Variants in COL25A1 observed in about 807,000 individuals in gnomAD.
COL25A1 encodes the protein collagen type XXV alpha 1 chain.
In COL25A1, 103 loss-of-function variants were observed where a neutral mutation model predicts 128.4. That is an observed-to-expected ratio of 0.80 (90% CI 0.68 to 0.94). The LOEUF is 0.94. COL25A1 is among the 40% of genes least tolerant of loss of function. The probability of loss-of-function intolerance (pLI) is 0.00; values close to 1 mark genes in which losing one functional copy is unlikely to be tolerated. For missense variants in COL25A1, 745 were observed against 840.0 expected, an observed-to-expected ratio of 0.89 and a Z score of 1.40; for synonymous variants, 279 against 277.2, an observed-to-expected ratio of 1.01 and a Z score of -0.06.
chr4:109,087,012 T>A (rs1173662170), intron 3 of COL25A1, among the ~76,000 whole-genome samples: 1 of 152,204 alleles, frequency 6.6e-6, no homozygotes, highest in African/African-American at 2.4e-5. Context: ...GGACACTTGC[T>A]GTCACCTAGT....
intron 3 of COL25A1, among the ~76,000 whole-genome samples, chr4:109,078,981 GA>G (rs903078224): frequency 2.0e-5 from 3 of 151,864 alleles, no homozygotes; most frequent in African/African-American, 7.3e-5. Flanking sequence ...AAAAGGCAAG[GA>G]AAAAAAATCC....
At chr4:109,287,261 T>G (rs1723977891) in intron 3 of COL25A1, among the ~76,000 whole-genome samples, 1 of 152,330 alleles carries the variant, frequency 6.6e-6, no homozygotes, top group African/African-American at 2.4e-5. Context: ...CCATTAGTTC[T>G]TCATCTAATG....
Position 109,048,180 on chromosome 4 carries a change from G to A in COL25A1, c.413-5C>T, listed in dbSNP as rs773186814. 2.5e-6 allele frequency: 4 copies of A among 1,611,836 alleles called. No homozygotes were observed. The highest frequency in any genetic ancestry group is 2.5e-6 in the Non-Finnish European group (3 of 1,178,168). ...CAAACATACTTACAGGAGGACCTAT[G>A]GGGGGAGCAGGTGGAGAGAGAAGAG... On this transcript the variant is annotated splice_polypyrimidine_tract_variant and splice_region_variant and intron_variant, in intron 4 of 37. Coordinates refer to ENST00000399132, the MANE Select transcript of COL25A1 (RefSeq NM_198721.4).
At chr4:109,060,782 G>A (rs538067583) in intron 3 of COL25A1, among the ~76,000 whole-genome samples, 63 of 151,682 alleles carry the variant, frequency 4.2e-4, no homozygotes, top group East Asian at 1.5e-3. Flanking sequence ...TCATTCGCCC[G>A]AGCTTAAAAT....
intron 15 of COL25A1, among the ~76,000 whole-genome samples, chr4:108,897,606 C>T (rs1004915964): frequency 1.3e-5 from 2 of 152,256 alleles, no homozygotes; most frequent in Non-Finnish European, 2.9e-5. Flanking sequence ...ATAAGTACTA[C>T]ACTGTGTGTA....
At chr4:109,204,661 A>T (rs1160796477) in intron 3 of COL25A1, among the ~76,000 whole-genome samples, 1 of 152,198 alleles carries the variant, frequency 6.6e-6, no homozygotes, top group East Asian at 1.9e-4. Context: ...ACACAGCATG[A>T]CTACTTTGTT....
At chr4:109,108,952 T>C (rs905802048) in intron 3 of COL25A1, among the ~76,000 whole-genome samples, 1 of 152,200 alleles carries the variant, frequency 6.6e-6, no homozygotes, top group African/African-American at 2.4e-5. Flanking sequence ...TGTGGTGGTC[T>C]GTAACTGAGC....
intron 6 of COL25A1, among the ~76,000 whole-genome samples, chr4:109,007,021 T>A (rs1756083329): frequency 6.6e-6 from 1 of 152,216 alleles, no homozygotes; most frequent in South Asian, 2.1e-4. Context: ...TTTACCTGTG[T>A]AACAAACCTG....
intron 13 of COL25A1, among the ~76,000 whole-genome samples, chr4:108,904,078 A>C (rs1474381102): frequency 1.3e-5 from 2 of 152,068 alleles, no homozygotes; most frequent in Non-Finnish European, 2.9e-5. Flanking sequence ...TACTGTCCAC[A>C]CTTAGTTTCC....
chr4:109,135,704 C>T (rs181618249), intron 3 of COL25A1, among the ~76,000 whole-genome samples: 150 of 152,164 alleles, frequency 9.9e-4, no homozygotes, highest in African/African-American at 3.2e-3. Context: ...CCACACACAT[C>T]TACTTATTAA....
At chr4:109,296,487 T>C (rs1725003426) in intron 3 of COL25A1, among the ~76,000 whole-genome samples, 1 of 152,070 alleles carries the variant, frequency 6.6e-6, no homozygotes, top group African/African-American at 2.4e-5. Flanking sequence ...TGAGGGAAGA[T>C]ACCAAGTCTG....
intron 15 of COL25A1, among the ~76,000 whole-genome samples, chr4:108,898,244 C>T (rs908284566): frequency 8.5e-5 from 13 of 152,104 alleles, no homozygotes; most frequent in African/African-American, 1.2e-4. Context: ...TTTCCACCCA[C>T]GTATTTTGCT....
chr4:109,068,054 C>A (rs1420690105), intron 3 of COL25A1, among the ~76,000 whole-genome samples: 1 of 152,152 alleles, frequency 6.6e-6, no homozygotes, highest in Non-Finnish European at 1.5e-5. Context: ...GGGTGCGTGC[C>A]ATTGCTTTCG....
chr4:109,067,637 C>T (rs780934126), intron 3 of COL25A1, among the ~76,000 whole-genome samples: 2 of 152,152 alleles, frequency 1.3e-5, no homozygotes, highest in Non-Finnish European at 2.9e-5. Context: ...TCCTGGTGAA[C>T]AGTTTTTGTT....
chr4:108,844,304 C>T (rs72897004), intron 30 of COL25A1, among the ~76,000 whole-genome samples: 237 of 152,294 alleles, frequency 1.6e-3, no homozygotes, highest in African/African-American at 5.3e-3. Context: ...TCACCTCTGT[C>T]GCAAAACTAC....
chr4:108,898,620 A>G (rs1742431039), intron 15 of COL25A1, among the ~76,000 whole-genome samples: 1 of 152,136 alleles, frequency 6.6e-6, no homozygotes, highest in Non-Finnish European at 1.5e-5. Flanking sequence ...TTTGTGGGCA[A>G]CCTTCAGATA....
chr4:109,033,081 T>C (rs1176554446), intron 5 of COL25A1, among the ~76,000 whole-genome samples: 1 of 152,254 alleles, frequency 6.6e-6, no homozygotes, highest in African/African-American at 2.4e-5. Flanking sequence ...TAAAGTCTGC[T>C]AAAGCAATCT....
chr4:109,021,615 A>G (rs1002736083), intron 5 of COL25A1, among the ~76,000 whole-genome samples: 1 of 152,202 alleles, frequency 6.6e-6, no homozygotes. Context: ...AGGGAAGACA[A>G]CCATAAGGTC....
At chr4:108,893,302 AAAC>A (rs1465841713) in intron 16 of COL25A1, among the ~76,000 whole-genome samples, 3 of 152,226 alleles carry the variant, frequency 2.0e-5, no homozygotes, top group African/African-American at 7.2e-5. Context: ...TGATGTGGCC[AAAC>A]CATTTAGTGT....
Sources: gnomAD v4.1 joint callset for allele counts (sites outside exome capture counted in the v4.1 genomes callset) on GRCh38, gnomAD v4.1.1 for gene constraint, MANE v1.5 for transcripts, NCBI Gene and HGNC (gene_info 2026-07-23, HGNC 2026-07-21) for gene names.